Variants in LHFPL6 observed in about 807,000 individuals in gnomAD.
LHFPL6 encodes LHFPL tetraspan subfamily member 6 protein.
A neutral mutation model predicts 20.6 loss-of-function variants in LHFPL6; 9 were observed. The observed-to-expected ratio is 0.44, with a 90% CI of 0.26 to 0.76. The LOEUF (loss-of-function observed/expected upper bound fraction) is 0.76. Ranked by LOEUF, LHFPL6 falls within the 30% of genes least tolerant of loss-of-function variation. The pLI is 0.20. For missense variants in LHFPL6, 218 were observed against 253.5 expected (o/e 0.86, Z 0.95); for synonymous variants, 105 against 98.7 (o/e 1.06, Z -0.38).
chr13:39,353,818 G>A (rs555453240), intron 3 of LHFPL6, among the ~76,000 whole-genome samples: 1 of 152,192 alleles, frequency 6.6e-6, no homozygotes, highest in South Asian at 2.1e-4. Flanking sequence ...CAACTCCAAG[G>A]CGTCTATTTA....
At chr13:39,391,671 T>A (rs1870711678) in intron 2 of LHFPL6, among the ~76,000 whole-genome samples, 1 of 152,218 alleles carries the variant, frequency 6.6e-6, no homozygotes, top group African/African-American at 2.4e-5. Context: ...TAGCAACTTT[T>A]TCATCACTAA....
chr13:39,434,743 C>G (rs1871908559), intron 2 of LHFPL6, among the ~76,000 whole-genome samples: 1 of 152,130 alleles, frequency 6.6e-6, no homozygotes, highest in African/African-American at 2.4e-5. Flanking sequence ...GCCAATGTTA[C>G]TTAAGAATAT....
At chr13:39,597,458 G>A (rs908029644) in intron 2 of LHFPL6, among the ~76,000 whole-genome samples, 1 of 152,140 alleles carries the variant, frequency 6.6e-6, no homozygotes, top group Non-Finnish European at 1.5e-5. Flanking sequence ...GTATTTGAAA[G>A]CACACAATTT....
At chr13:39,550,019 T>C (rs1393500827) in intron 2 of LHFPL6, among the ~76,000 whole-genome samples, 1 of 152,030 alleles carries the variant, frequency 6.6e-6, no homozygotes, top group Non-Finnish European at 1.5e-5. Context: ...GGGTGTTGAG[T>C]TTCTTTCTGA....
chr13:39,562,425 T>TATATACATATAC (rs1354159104), intron 2 of LHFPL6, among the ~76,000 whole-genome samples: 5,472 of 94,176 alleles, frequency 0.058, 236 homozygotes, highest in Non-Finnish European at 0.082. Flanking sequence ...CACATATACA[T>TATATACATATAC]ATATACATAT....
chr13:39,488,730 T>A (rs1485772055), intron 2 of LHFPL6, among the ~76,000 whole-genome samples: 2 of 152,184 alleles, frequency 1.3e-5, no homozygotes, highest in East Asian at 3.8e-4. Flanking sequence ...CCTGAAAACA[T>A]GAAGCAAAGT....
intron 2 of LHFPL6, among the ~76,000 whole-genome samples, chr13:39,437,318 A>G (rs1336970460): frequency 6.6e-6 from 1 of 152,166 alleles, no homozygotes; most frequent in African/African-American, 2.4e-5. Flanking sequence ...GCAGTTTCTC[A>G]TAAATGGTTT....
chr13:39,456,088 T>A (rs934173149), intron 2 of LHFPL6, among the ~76,000 whole-genome samples: 1 of 152,160 alleles, frequency 6.6e-6, no homozygotes. Context: ...GACACAATCT[T>A]CCTGAGGGCA....
intron 2 of LHFPL6, among the ~76,000 whole-genome samples, chr13:39,386,424 C>A (rs1173835448): frequency 6.6e-6 from 1 of 152,156 alleles, no homozygotes; most frequent in Non-Finnish European, 1.5e-5. Flanking sequence ...CACCTCCTAT[C>A]AAAGTGCTTT....
intron 2 of LHFPL6, among the ~76,000 whole-genome samples, chr13:39,461,546 G>T (rs749493856): frequency 6.6e-6 from 1 of 152,056 alleles, no homozygotes; most frequent in Non-Finnish European, 1.5e-5. Flanking sequence ...CAGACAAACC[G>T]GAGAACTTTA....
At chr13:39,479,873 T>C (rs1259665766) in intron 2 of LHFPL6, among the ~76,000 whole-genome samples, 1 of 152,178 alleles carries the variant, frequency 6.6e-6, no homozygotes, top group African/African-American at 2.4e-5. Flanking sequence ...GACATGACCA[T>C]ATTCCTACTT....
chr13:39,468,578 T>C (rs1315849854), intron 2 of LHFPL6, among the ~76,000 whole-genome samples: 1 of 152,330 alleles, frequency 6.6e-6, no homozygotes, highest in African/African-American at 2.4e-5. Context: ...ATGTATCTCT[T>C]CATCCTTGGC....
At chr13:39,574,670 A>G (rs1872053880) in intron 2 of LHFPL6, among the ~76,000 whole-genome samples, 1 of 152,188 alleles carries the variant, frequency 6.6e-6, no homozygotes, top group Admixed American at 6.5e-5. Context: ...GGATGATGAC[A>G]TACTGAGATT....
At chr13:39,562,027 C>T (rs1871499748) in intron 2 of LHFPL6, among the ~76,000 whole-genome samples, 1 of 152,164 alleles carries the variant, frequency 6.6e-6, no homozygotes, top group South Asian at 2.1e-4. Flanking sequence ...CTTTTCATTT[C>T]TCTAAACTAT....
chr13:39,514,613 T>C (rs1368280747), intron 2 of LHFPL6, among the ~76,000 whole-genome samples: 1 of 152,146 alleles, frequency 6.6e-6, no homozygotes, highest in Non-Finnish European at 1.5e-5. Flanking sequence ...ACCTGGGCAG[T>C]GCATTATTAC....
At chr13:39,534,660 TACTC>T (rs1870563089) in intron 2 of LHFPL6, among the ~76,000 whole-genome samples, 1 of 152,210 alleles carries the variant, frequency 6.6e-6, no homozygotes, top group Admixed American at 6.5e-5. Context: ...TTTTGAGTGA[TACTC>T]AAGAAAATGG....
At chr13:39,571,362 A>G (rs755601531) in intron 2 of LHFPL6, among the ~76,000 whole-genome samples, 1 of 152,262 alleles carries the variant, frequency 6.6e-6, no homozygotes, top group South Asian at 2.1e-4. Context: ...TTGGTCTTCT[A>G]CACCGTCATA....
chr13:39,574,180 T>C (rs969455647), intron 2 of LHFPL6, among the ~76,000 whole-genome samples: 4 of 152,192 alleles, frequency 2.6e-5, no homozygotes, highest in Non-Finnish European at 5.9e-5. Context: ...CTTAGAAAGA[T>C]ATAGTAAAGA....
Position 39,378,481 on chromosome 13 carries a change from T to C in LHFPL6, c.431A>G (p.Asp144Gly), listed in dbSNP as rs140649130. Residue 144 changes from aspartate (D) to glycine (G), a missense_variant, in exon 3 of 4, where the codon GAC becomes GGC. Physicochemically the swap from Asp to Gly is moderately conservative, Grantham distance 94. Transcript: ENST00000379589. ...ACAAGTCTGCCGGACTTCCTCACTG[T>C]CCCAGCCCAAGGGGTAGAGGGCACA... ...AGCALYPLGWDSEEVRQTCGY... is the reference protein window; with the variant it reads ...AGCALYPLGWGSEEVRQTCGY... 106 of 1,613,818 alleles carry C rather than the reference T, an allele frequency of 6.6e-5. No individual in the cohort carries two copies. Among genetic ancestry groups the C allele is most frequent in the Non-Finnish European group, 8.6e-5 (102 of 1,179,948 alleles).
Sources: gnomAD v4.1 joint callset for allele counts (sites outside exome capture counted in the v4.1 genomes callset) on GRCh38, gnomAD v4.1.1 for gene constraint, MANE v1.5 for transcripts, NCBI Gene and HGNC (gene_info 2026-07-23, HGNC 2026-07-21) for gene names.